TRADD: variants seen among roughly 807,000 people sequenced by gnomAD.
TRADD encodes the protein tumor necrosis factor receptor type 1-associated DEATH domain protein.
TRADD carries 14 observed loss-of-function variants against 31.5 expected under a neutral mutation model. The observed-to-expected ratio is 0.44, with a 90% CI of 0.29 to 0.69. TRADD has a LOEUF of 0.69. TRADD is among the 30% of genes least tolerant of loss of function. The pLI is 0.11. For synonymous variants in TRADD, 220 were observed against 215.8 expected, an observed-to-expected ratio of 1.02 and a Z score of -0.17; for missense variants, 388 against 435.7, an observed-to-expected ratio of 0.89 and a Z score of 0.97.
Position 67,156,071 on chromosome 16 carries a change from G to T in TRADD, c.152-417C>A, listed in dbSNP as rs13312726. ...GACTCCCACTGCTCGGGAAGAAGAG[G>T]GGCTCTCGCCGCTCTGAGGCCACGA... On this transcript the variant is annotated intron_variant, in intron 2 of 4. Transcript: ENST00000345057. The surrounding 1 kb of genome is among the most constrained non-coding windows in gnomAD (Gnocchi z 4.6). 7.1e-3 allele frequency: 9,582 copies of T among 1,352,352 alleles called. 106 individuals are homozygous for T. Among genetic ancestry groups the T allele is most frequent in the African/African-American group, 0.039 (2,658 of 68,438 alleles). The allele number at this position is 1,352,352 out of a possible 1,614,324, so 83.8% of individuals were successfully genotyped here. A position where few individuals can be genotyped will look rare whatever the true frequency, so the allele number is the denominator to read the frequency against.
At position 67,156,691 on chromosome 16, in the gene TRADD, A is replaced by G. The variant is rs371360077; in HGVS notation, c.-8-23T>C. 150 of 1,612,448 alleles carry G rather than the reference A, an allele frequency of 9.3e-5. No individual in the cohort carries two copies. The highest frequency in any genetic ancestry group is 1.2e-4 in the Non-Finnish European group (142 of 1,179,994). ...CTCCTGGAGATGCAGACAGTCAGGT[A>G]TCCAGTTCATCCCCCCTCCCTCCAC... is the stretch of plus-strand genomic sequence containing the variant. On this transcript the variant is annotated intron_variant, in intron 1 of 4. Transcript: ENST00000345057. The surrounding 1 kb of genome is among the most constrained non-coding windows in gnomAD (Gnocchi z 4.6).
chr16:67,159,582 C>A lies in TRADD; in HGVS notation c.-9+256G>T, dbSNP rs375331109. On this transcript the variant is annotated intron_variant, in intron 1 of 4. Transcript: ENST00000345057. This position sits in a 1 kb window ranked among gnomAD's most constrained non-coding sequence, Gnocchi z 6.8. ...GCTCAAGGAAAGTATTCAGAACCAG[C>A]CCCTTCTCCCCCACCCTCTCTCCTG... 1.0e-3 allele frequency among the ~76,000 whole-genome samples: 159 copies of A among 152,306 alleles called. 4 individuals are homozygous for A. In the South Asian group the frequency reaches 0.031, roughly 29 times the overall value.
chr16:67,154,258 TG>T lies in TRADD; in HGVS notation c.*390del. On this transcript the variant is annotated 3_prime_UTR_variant, in exon 5 of 5. Transcript: ENST00000345057. This position sits in a 1 kb window ranked among gnomAD's most constrained non-coding sequence, Gnocchi z 5.2. Reference sequence around the variant, plus strand: ...TCGGGGTCCCACGCTGAGTGTGAGCTGGGGGCAGGCAAGATTGATTCCTGTT... The same window carrying T: ...TCGGGGTCCCACGCTGAGTGTGAGCTGGGGCAGGCAAGATTGATTCCTGTT... 1 of 324,744 alleles carries T rather than the reference TG, an allele frequency of 3.1e-6. No homozygotes were observed. Among genetic ancestry groups the T allele is most frequent in the Non-Finnish European group, 5.8e-6 (1 of 171,130 alleles). The allele number at this position is 324,744 out of a possible 1,614,324, so 20.1% of individuals were successfully genotyped here.
In TRADD at chr16:67,156,278, G is replaced by T; in HGVS notation, c.151+232C>A. On this transcript the variant is annotated intron_variant, in intron 2 of 4. Coordinates refer to ENST00000345057, the MANE Select transcript of TRADD (RefSeq NM_003789.4). The surrounding 1 kb of genome is among the most constrained non-coding windows in gnomAD (Gnocchi z 4.6). The stretch of plus-strand genomic sequence containing the variant: ...TGAGCCGGCTGGTGGAGGGGGGCGG[G>T]GATGGAGCAAAGGACGTTAGTGCAC... The T allele has an allele frequency of 8.3e-7, 1 of 1,208,510 alleles. No individual in the cohort carries two copies. The highest frequency in any genetic ancestry group is 1.1e-6 in the Non-Finnish European group (1 of 869,770). The allele number at this position is 1,208,510 out of a possible 1,614,324, so 74.9% of individuals were successfully genotyped here. A position where few individuals can be genotyped will look rare whatever the true frequency, so the allele number is the denominator to read the frequency against.
Position 67,156,246 on chromosome 16 carries a change from A to C in TRADD, c.151+264T>G. 2.1e-6 allele frequency: 3 copies of C among 1,449,626 alleles called. No homozygotes were observed. Among genetic ancestry groups the C allele is most frequent in the Non-Finnish European group, 2.8e-6 (3 of 1,087,228 alleles). The allele number at this position is 1,449,626 out of a possible 1,614,324, so 89.8% of individuals were successfully genotyped here. ...GGAGAGAGACATCCACAATTAGTAG[A>C]AAGGAGTGAGCCGGCTGGTGGAGGG... is the stretch of plus-strand genomic sequence containing the variant. On this transcript the variant is annotated intron_variant, in intron 2 of 4. Transcript: ENST00000345057. This position sits in a 1 kb window ranked among gnomAD's most constrained non-coding sequence, Gnocchi z 4.6.
chr16:67,155,067 G>C (rs1319358084), intron 4 of TRADD, 29 bp downstream of exon 4: 1 of 1,544,462 alleles, frequency 6.5e-7, no homozygotes, highest in Non-Finnish European at 8.7e-7. Context: ...CAACCTCCTG[G>C]TGACCCCGCC....
In TRADD at chr16:67,154,750, C is replaced by T; in HGVS notation, c.838G>A (p.Ala280Thr). Reference sequence around the variant, plus strand: ...GCCTCCACCAGGCGCTGCAGCGTGGCGCGGCGGCCCTCGGCCTGCACGAAG... The same window carrying T: ...GCCTCCACCAGGCGCTGCAGCGTGGTGCGGCGGCCCTCGGCCTGCACGAAG... Reference protein sequence around the residue: ...RRFVQAEGRRATLQRLVEALE... With the variant: ...RRFVQAEGRRTTLQRLVEALE... Residue 280 changes from alanine (A) to threonine (T), a missense_variant, in exon 5 of 5, where the codon GCC becomes ACC. Transcript: ENST00000345057. The surrounding 1 kb of genome is among the most constrained non-coding windows in gnomAD (Gnocchi z 5.2). 1 of 1,608,962 alleles carries T rather than the reference C, an allele frequency of 6.2e-7. No individual in the cohort carries two copies. Among genetic ancestry groups the T allele is most frequent in the Non-Finnish European group, 8.5e-7 (1 of 1,178,220 alleles).
chr16:67,155,863 C>G (rs901205015), intron 2 of TRADD: 2 of 1,515,924 alleles, frequency 1.3e-6, no homozygotes, highest in Admixed American at 2.0e-5. Context: ...CAGGGAGCAC[C>G]CTAAGACAGA....
Position 67,156,041 on chromosome 16 carries a change from A to T in TRADD, c.152-387T>A. ...GGTCTCAGGTCTTCGGCCTCCACCAAGCGCGACTCCCACTGCTCGGGAAGA... is the reference window on the plus strand; with the variant it reads ...GGTCTCAGGTCTTCGGCCTCCACCATGCGCGACTCCCACTGCTCGGGAAGA... On this transcript the variant is annotated intron_variant, in intron 2 of 4. Transcript: ENST00000345057. The surrounding 1 kb of genome is among the most constrained non-coding windows in gnomAD (Gnocchi z 4.6). 11 of 1,358,750 alleles carry T rather than the reference A, an allele frequency of 8.1e-6. No homozygotes were observed. Among genetic ancestry groups the T allele is most frequent in the Non-Finnish European group, 1.1e-5 (11 of 1,035,206 alleles). 84.2% of individuals were successfully genotyped at this position (1,358,750 alleles called of 1,614,324 possible).
rs1232386356 is a variant in TRADD, at chr16:67,159,198, T to G, written c.-9+640A>C. On this transcript the variant is annotated intron_variant, in intron 1 of 4. Coordinates refer to ENST00000345057, the MANE Select transcript of TRADD (RefSeq NM_003789.4). The surrounding 1 kb of genome is among the most constrained non-coding windows in gnomAD (Gnocchi z 6.8). ...CCACCCACCAGGAGTCGTCCCTTTTTGGGCGGGGCTGAGGCTTCCAGGCTG... is the reference window on the plus strand; with the variant it reads ...CCACCCACCAGGAGTCGTCCCTTTTGGGGCGGGGCTGAGGCTTCCAGGCTG... Among the ~76,000 whole-genome samples, 1 of 152,204 alleles carries G rather than the reference T, an allele frequency of 6.6e-6. No homozygotes were observed. Among genetic ancestry groups the G allele is most frequent in the Non-Finnish European group, 1.5e-5 (1 of 68,020 alleles).
In TRADD at chr16:67,154,958, C is replaced by T. The variant is rs1461376928; in HGVS notation, c.630G>A (p.Val210=). 1.2e-6 allele frequency: 2 copies of T among 1,608,910 alleles called. No homozygotes were observed. The highest frequency in any genetic ancestry group is 1.1e-5 in the South Asian group (1 of 90,360). Residue 210 remains valine (V), a splice_region_variant and synonymous_variant, in exon 5 of 5, where the codon GTG becomes GTA. Transcript: ENST00000345057. The surrounding 1 kb of genome is among the most constrained non-coding windows in gnomAD (Gnocchi z 5.2). ...QTFLFQGQPV[V]NRPLSLKDQQ... is the part of the protein sequence containing the mutation. ...GGTCCTTCAGGCTCAGCGGCCGATT[C>T]ACTGCAGAGGGAGTGGGGAAACGGG...
chr16:67,155,926 A>T, intron 2 of TRADD: 1 of 1,509,684 alleles, frequency 6.6e-7, no homozygotes. Context: ...TTGGCAAAAG[A>T]GAGGGACTTC....
chr16:67,154,565 C>T lies in TRADD; in HGVS notation c.*84G>A, dbSNP rs1290380986. ...TAGGCCAAGTGGAGTTTCAGGGTCC[C>T]GTGGATGGACAGGGGTTCAGCAATA... On this transcript the variant is annotated 3_prime_UTR_variant, in exon 5 of 5. Transcript: ENST00000345057. This position sits in a 1 kb window ranked among gnomAD's most constrained non-coding sequence, Gnocchi z 5.2. 1.1e-5 allele frequency: 17 copies of T among 1,508,582 alleles called. No homozygotes were observed. Among genetic ancestry groups the T allele is most frequent in the African/African-American group, 2.8e-5 (2 of 72,560 alleles). The allele number at this position is 1,508,582 out of a possible 1,614,324, so 93.4% of individuals were successfully genotyped here.
chr16:67,159,461 C>G lies in TRADD; in HGVS notation c.-9+377G>C, dbSNP rs1321408228. ...CACCCCCTACTCAGCTACGCAGCTC[C>G]CGAGCGCTTGAGGGGAGCTTCCCAG... On this transcript the variant is annotated intron_variant, in intron 1 of 4. Transcript: ENST00000345057. This position sits in a 1 kb window ranked among gnomAD's most constrained non-coding sequence, Gnocchi z 6.8. Among the ~76,000 whole-genome samples the G allele has an allele frequency of 3.3e-5, 5 of 152,226 alleles. No homozygotes were observed. The highest frequency in any genetic ancestry group is 7.3e-5 in the Non-Finnish European group (5 of 68,040).
chr16:67,156,451 C>T lies in TRADD; in HGVS notation c.151+59G>A, dbSNP rs1361390705. 1.2e-6 allele frequency: 2 copies of T among 1,601,570 alleles called. No homozygotes were observed. The highest frequency in any genetic ancestry group is 3.3e-5 in the Admixed American group (2 of 59,996). On this transcript the variant is annotated intron_variant, in intron 2 of 4. Transcript: ENST00000345057. The surrounding 1 kb of genome is among the most constrained non-coding windows in gnomAD (Gnocchi z 4.6). The stretch of plus-strand genomic sequence containing the variant: ...TTCTTAAAGGTGGCTAAACCCAGGC[C>T]CACCCACAAAATGCTCCAGGCCACC...
rs1198711329 is a variant in TRADD at position 67,159,375 on chromosome 16, A to G, written c.-9+463T>C. Among the ~76,000 whole-genome samples, 2 of 152,164 alleles carry G rather than the reference A, an allele frequency of 1.3e-5. No individual in the cohort carries two copies. The highest frequency in any genetic ancestry group is 2.9e-5 in the Non-Finnish European group (2 of 68,022). On this transcript the variant is annotated intron_variant, in intron 1 of 4. Coordinates refer to ENST00000345057, the MANE Select transcript of TRADD (RefSeq NM_003789.4). This position sits in a 1 kb window ranked among gnomAD's most constrained non-coding sequence, Gnocchi z 6.8. The stretch of plus-strand genomic sequence containing the variant: ...GCCCCACCTCTGGCTGGGTGGACAG[A>G]GACAGCCTGTGGGCGTGGCCCAGAA...
In TRADD at chr16:67,156,637, G is replaced by A. The variant is rs199806094; in HGVS notation, c.24C>T (p.His8=). ...GGTATGCGCTGCCCACCCACTCTTC[G>A]TGCCCATTTTGCCCAGCTGCCATCT... The part of the protein sequence containing the change: MAAGQNG[H]EEWVGSAYLF... Residue 8 remains histidine, a synonymous_variant, in exon 2 of 5, where the codon CAC becomes CAT. Coordinates refer to ENST00000345057, the MANE Select transcript of TRADD (RefSeq NM_003789.4). This position sits in a 1 kb window ranked among gnomAD's most constrained non-coding sequence, Gnocchi z 4.6. 6.1e-5 allele frequency: 99 copies of A among 1,614,026 alleles called. No individual in the cohort carries two copies. Among genetic ancestry groups the A allele is most frequent in the African/African-American group, 5.2e-4 (39 of 75,018 alleles).
At chr16:67,155,331 C>T in intron 3 of TRADD, 37 bp from the exon 4 acceptor site, 1 of 1,606,726 alleles carries the variant, frequency 6.2e-7, no homozygotes, top group South Asian at 1.1e-5. Flanking sequence ...GGGGACTTAA[C>T]CGCGGATCCC....
chr16:67,155,635 G>T lies in TRADD; in HGVS notation c.171C>A (p.Asp57Glu). ...GGTGGATCTTCAGCATCTGCAGCAC[G>T]TCCGGGCTCCCGCCGCTCTCTGCGG... The part of the protein sequence containing the change: ...AALAESGGSP[D>E]VLQMLKIHRS... The change falls in exon 3 of 5, where the codon GAC becomes GAA. Residue 57 changes from aspartate to glutamate, a missense_variant. Physicochemically the swap from Asp to Glu is conservative, Grantham distance 45 (BLOSUM62 2). Transcript: ENST00000345057. The T allele has an allele frequency of 6.4e-7, 1 of 1,554,336 alleles. No individual in the cohort carries two copies. Among genetic ancestry groups the T allele is most frequent in the Middle Eastern group, 2.0e-4 (1 of 4,968 alleles).
Sources: gnomAD v4.1 joint callset for allele counts (sites outside exome capture counted in the v4.1 genomes callset) on GRCh38, gnomAD v4.1.1 for gene constraint, Gnocchi (gnomAD v3.1) non-coding constraint, MANE v1.5 for transcripts, NCBI Gene and HGNC (gene_info 2026-07-23, HGNC 2026-07-21) for gene names.